The following RSBN1L variants were observed in gnomAD, a reference collection of about 807,000 sequenced individuals.
RSBN1L encodes lysine-specific demethylase RSBN1L.
Under a neutral mutation model 67.7 loss-of-function variants are expected in RSBN1L, and 30 were observed. The ratio of observed to expected loss-of-function variants is 0.44; its 90% CI spans 0.33 to 0.60. RSBN1L has a LOEUF of 0.60. Ranked by LOEUF, RSBN1L falls within the 20% of genes least tolerant of loss-of-function variation. The pLI, the probability that RSBN1L is intolerant of heterozygous loss-of-function variation, is 0.02. For synonymous variants in RSBN1L, 433 were observed against 387.0 expected (o/e 1.12, Z -1.39); for missense variants, 992 against 1,031.7 (o/e 0.96, Z 0.53).
intron 4 of RSBN1L, among the ~76,000 whole-genome samples, chr7:77,767,603 G>C (rs779733247): frequency 6.6e-6 from 1 of 151,786 alleles, no homozygotes; most frequent in Admixed American, 6.6e-5. Flanking sequence ...TCAAACTCCT[G>C]AGCTCAGGTG....
chr7:77,723,362 T>A (rs1438802121), intron 1 of RSBN1L, among the ~76,000 whole-genome samples: 1 of 152,192 alleles, frequency 6.6e-6, no homozygotes, highest in Non-Finnish European at 1.5e-5. Context: ...TACATCAAAA[T>A]CTGTGGTTGA....
chr7:77,744,343 T>C (rs1791452113), intron 2 of RSBN1L, among the ~76,000 whole-genome samples: 1 of 148,670 alleles, frequency 6.7e-6, no homozygotes, highest in South Asian at 2.2e-4. Flanking sequence ...GCCTACTGTT[T>C]GACTTTTTTT....
At chr7:77,699,333 C>T (rs996516047) in intron 1 of RSBN1L, among the ~76,000 whole-genome samples, 14 of 152,164 alleles carry the variant, frequency 9.2e-5, no homozygotes, top group African/African-American at 3.4e-4. Flanking sequence ...CTCGAAAGAC[C>T]TAGCCTGCAC....
At chr7:77,734,080 C>T (rs538292808) in intron 1 of RSBN1L, among the ~76,000 whole-genome samples, 4 of 152,228 alleles carry the variant, frequency 2.6e-5, no homozygotes, top group East Asian at 3.9e-4. Flanking sequence ...AAGCTGAGAT[C>T]GTGCCACTGC....
chr7:77,753,731 T>C (rs1027394527), intron 3 of RSBN1L, among the ~76,000 whole-genome samples: 14 of 152,358 alleles, frequency 9.2e-5, no homozygotes, highest in African/African-American at 3.1e-4. Context: ...CTGGAAACTT[T>C]TATTGTTTTA....
At chr7:77,754,614 A>G (rs182743595) in intron 3 of RSBN1L, among the ~76,000 whole-genome samples, 99 of 152,306 alleles carry the variant, frequency 6.5e-4, no homozygotes, top group Non-Finnish European at 1.1e-3. Context: ...CTGAAACAGT[A>G]TTTTGTACTC....
intron 3 of RSBN1L, among the ~76,000 whole-genome samples, chr7:77,756,438 T>G (rs905936772): frequency 2.0e-5 from 3 of 152,102 alleles, no homozygotes; most frequent in Non-Finnish European, 4.4e-5. Context: ...CTGACCTTTA[T>G]TTTTTAGAAT....
intron 1 of RSBN1L, among the ~76,000 whole-genome samples, chr7:77,703,945 GC>G (rs1554336662): frequency 6.6e-6 from 1 of 152,054 alleles, no homozygotes; most frequent in Non-Finnish European, 1.5e-5. Flanking sequence ...GTGCAACCAC[GC>G]CCCGATACAC....
At chr7:77,754,058 T>G (rs1311184621) in intron 3 of RSBN1L, among the ~76,000 whole-genome samples, 3 of 152,196 alleles carry the variant, frequency 2.0e-5, no homozygotes, top group Non-Finnish European at 4.4e-5. Flanking sequence ...GATTGATAGA[T>G]ACAGGGTCTT....
chr7:77,730,357 T>C (rs1409605437), intron 1 of RSBN1L, among the ~76,000 whole-genome samples: 1 of 152,174 alleles, frequency 6.6e-6, no homozygotes, highest in Admixed American at 6.5e-5. Flanking sequence ...ACATCCCCTA[T>C]CAGAGTGGTA....
rs1792015842 is a variant in RSBN1L, at chr7:77,782,742, AT to A, written c.*3578del. ...GTGGTGGTCATTGAGGGTAGGGAAGATTTTATTTTTTAAGTTGTCGTTAAGG... is the reference window on the plus strand; with the variant it reads ...GTGGTGGTCATTGAGGGTAGGGAAGATTTATTTTTTAAGTTGTCGTTAAGG... On this transcript the variant is annotated 3_prime_UTR_variant, in exon 8 of 8. Transcript: ENST00000334955. The A allele has an allele frequency of 6.6e-6, 1 of 151,910 alleles. No individual in the cohort carries two copies. Among genetic ancestry groups the A allele is most frequent in the Non-Finnish European group, 1.5e-5 (1 of 67,956 alleles). The allele number at this position is 151,910 out of a possible 1,614,324, so 9.4% of individuals were successfully genotyped here.
chr7:77,697,068 C>CG lies in RSBN1L; in HGVS notation c.586+17dup. The CG allele has an allele frequency of 7.3e-7, 1 of 1,362,422 alleles. No individual in the cohort carries two copies. Among genetic ancestry groups the CG allele is most frequent in the Non-Finnish European group, 9.5e-7 (1 of 1,056,788 alleles). 84.4% of individuals were successfully genotyped at this position (1,362,422 alleles called of 1,614,324 possible). ...CCGCTGCCCCGAGGTGGGTGCCGTG[C>CG]GGGGAGGGGGAGGGGAGGGCGCCGT... On this transcript the variant is annotated intron_variant, in intron 1 of 7. Transcript: ENST00000334955.
intron 3 of RSBN1L, among the ~76,000 whole-genome samples, chr7:77,764,251 A>G (rs186851542): frequency 7.2e-5 from 11 of 152,340 alleles, no homozygotes; most frequent in Admixed American, 3.9e-4. Flanking sequence ...GAAAGAGACA[A>G]TTACAGTTTT....
intron 1 of RSBN1L, among the ~76,000 whole-genome samples, chr7:77,701,439 A>G (rs1211475771): frequency 1.3e-5 from 2 of 152,048 alleles, no homozygotes; most frequent in Non-Finnish European, 2.9e-5. Flanking sequence ...AGATTTCTGC[A>G]TTGGAAATAA....
chr7:77,740,743 A>G (rs182854692), intron 2 of RSBN1L, among the ~76,000 whole-genome samples: 110 of 152,252 alleles, frequency 7.2e-4, no homozygotes, highest in African/African-American at 2.3e-3. Context: ...ATAATTAGCC[A>G]TTAACAACAC....
At chr7:77,697,315 G>A (rs1584269299) in intron 1 of RSBN1L, 1 of 357,242 alleles carries the variant, frequency 2.8e-6, no homozygotes, top group Middle Eastern at 7.5e-4. Flanking sequence ...TGCGCTGCAG[G>A]ATTTGTGAAA....
chr7:77,758,772 G>A (rs1446527504), intron 3 of RSBN1L, among the ~76,000 whole-genome samples: 1 of 152,052 alleles, frequency 6.6e-6, no homozygotes, highest in African/African-American at 2.4e-5. Flanking sequence ...CATTTATTGT[G>A]CTCCTGTGTT....
intron 1 of RSBN1L, among the ~76,000 whole-genome samples, chr7:77,732,633 C>G (rs1791286127): frequency 6.6e-6 from 1 of 152,160 alleles, no homozygotes; most frequent in Admixed American, 6.6e-5. Flanking sequence ...CACACCCAGC[C>G]TAGAAGTGGC....
At chr7:77,711,782 A>G (rs1011198421) in intron 1 of RSBN1L, among the ~76,000 whole-genome samples, 7 of 152,230 alleles carry the variant, frequency 4.6e-5, no homozygotes, top group African/African-American at 1.4e-4. Context: ...GTTTAAGTAC[A>G]GTGTAAATTT....
Sources: gnomAD v4.1 joint callset for allele counts (sites outside exome capture counted in the v4.1 genomes callset) on GRCh38, gnomAD v4.1.1 for gene constraint, MANE v1.5 for transcripts, NCBI Gene and HGNC (gene_info 2026-07-23, HGNC 2026-07-21) for gene names.